LRRC40: variants seen among roughly 807,000 people sequenced by gnomAD.
LRRC40 encodes the protein leucine rich repeat containing 40, also known as leucine-rich repeat-containing protein 40.
A neutral mutation model predicts 72.8 loss-of-function variants in LRRC40; 76 were observed. That is an observed-to-expected ratio of 1.04 (90% CI 0.87 to 1.26). The LOEUF (loss-of-function observed/expected upper bound fraction) is 1.26. LRRC40 is among the 50% of genes most tolerant of loss of function. The pLI is 0.00. For synonymous variants in LRRC40, 243 were observed against 254.2 expected, an observed-to-expected ratio of 0.96 and a Z score of 0.42; for missense variants, 684 against 698.9, an observed-to-expected ratio of 0.98 and a Z score of 0.24.
intron 9 of LRRC40, among the ~76,000 whole-genome samples, chr1:70,171,533 T>C (rs756060389): frequency 6.6e-6 from 1 of 152,106 alleles, no homozygotes; most frequent in Non-Finnish European, 1.5e-5. Context: ...AGAATCTGAA[T>C]AGCCATTTCT....
intron 9 of LRRC40, among the ~76,000 whole-genome samples, chr1:70,163,385 C>G (rs1459359933): frequency 6.6e-6 from 1 of 152,178 alleles, no homozygotes; most frequent in African/African-American, 2.4e-5. Flanking sequence ...CCACCCCCAG[C>G]CTGCATTCCT....
chr1:70,145,481 A>C lies in LRRC40; in HGVS notation c.*319T>G. The C allele has an allele frequency of 5.9e-6, 1 of 169,260 alleles. No individual in the cohort carries two copies. Among genetic ancestry groups the C allele is most frequent in the Non-Finnish European group, 1.3e-5 (1 of 79,512 alleles). The allele number at this position is 169,260 out of a possible 1,614,324, so 10.5% of individuals were successfully genotyped here. A position where few individuals can be genotyped will look rare whatever the true frequency, so the allele number is the denominator to read the frequency against. ...TTAAATAAAAATTCATTTTTGAAAA[A>C]ACTGCTTGCTATAAGAAAATGAAAG... is the stretch of plus-strand genomic sequence containing the variant. On this transcript the variant is annotated 3_prime_UTR_variant, in exon 15 of 15. Coordinates refer to ENST00000370952, the MANE Select transcript of LRRC40 (RefSeq NM_017768.5).
intron 6 of LRRC40, among the ~76,000 whole-genome samples, chr1:70,178,259 G>C (rs1048076538): frequency 6.6e-6 from 1 of 152,050 alleles, no homozygotes; most frequent in African/African-American, 2.4e-5. Flanking sequence ...TTTATATACT[G>C]ATTTGCCATT....
In LRRC40 at chr1:70,193,879, A is replaced by T. The variant is rs1668554043; in HGVS notation, c.152-4606T>A. 2.0e-5 allele frequency among the ~76,000 whole-genome samples: 3 copies of T among 152,088 alleles called. 1 individual carries two copies. The South Asian group carries it at 6.2e-4, about 31-fold the overall frequency. On this transcript the variant is annotated intron_variant, in intron 1 of 14. Coordinates refer to ENST00000370952, the MANE Select transcript of LRRC40 (RefSeq NM_017768.5). ...GTGATTGTTGAGATACAAAAAAAGC[A>T]TCTGACAAAATTCAACAATAAAAAC...
At chr1:70,162,411 G>A (rs1314597791) in intron 9 of LRRC40, among the ~76,000 whole-genome samples, 1 of 152,052 alleles carries the variant, frequency 6.6e-6, no homozygotes, top group Non-Finnish European at 1.5e-5. Context: ...CCCTAACATG[G>A]GAACTTGTTA....
chr1:70,191,516 G>A (rs1380281506), intron 1 of LRRC40, among the ~76,000 whole-genome samples: 1 of 152,034 alleles, frequency 6.6e-6, no homozygotes, highest in African/African-American at 2.4e-5. Flanking sequence ...GAACCATCAA[G>A]GGGCAGATAC....
intron 11 of LRRC40, among the ~76,000 whole-genome samples, chr1:70,153,926 T>C (rs1051913784): frequency 1.3e-5 from 2 of 149,000 alleles, no homozygotes; most frequent in African/African-American, 2.5e-5. Flanking sequence ...TGAGCCGCGA[T>C]TGTGCCAGTG....
intron 5 of LRRC40, 101 bp downstream of exon 5, chr1:70,180,985 T>C (rs1037590636): frequency 3.6e-6 from 3 of 833,648 alleles, no homozygotes; most frequent in Non-Finnish European, 5.1e-6. Context: ...ACTATAAAAA[T>C]CTACTACTTT....
Position 70,197,291 on chromosome 1 carries a change from A to T in LRRC40, c.152-8018T>A, listed in dbSNP as rs114249148. On this transcript the variant is annotated intron_variant, in intron 1 of 14. Transcript: ENST00000370952. The stretch of plus-strand genomic sequence containing the variant: ...ATGTATAGATGTATTTTTTTATTTT[A>T]TTTTATTTTTTTTTGAGAGCCTGTC... Among the ~76,000 whole-genome samples, 952 of 151,554 alleles carry T rather than the reference A, an allele frequency of 6.3e-3. 10 individuals carry two copies. The highest frequency in any genetic ancestry group is 0.022 in the African/African-American group (895 of 41,304).
chr1:70,160,098 T>G (rs183627753), intron 9 of LRRC40, among the ~76,000 whole-genome samples: 3 of 152,296 alleles, frequency 2.0e-5, no homozygotes, highest in African/African-American at 7.2e-5. Flanking sequence ...TAAATACACA[T>G]TTTAAAAGAA....
chr1:70,190,087 AGG>A (rs2100332217), intron 1 of LRRC40, among the ~76,000 whole-genome samples: 1 of 152,344 alleles, frequency 6.6e-6, no homozygotes, highest in East Asian at 1.9e-4. Context: ...AAGCTCCAGA[AGG>A]TAGAATGCTG....
chr1:70,156,753 G>A (rs950586772), intron 10 of LRRC40, among the ~76,000 whole-genome samples: 2 of 152,102 alleles, frequency 1.3e-5, no homozygotes, highest in Admixed American at 1.3e-4. Flanking sequence ...TCATGTCCCA[G>A]GTCATGAGAC....
intron 10 of LRRC40, among the ~76,000 whole-genome samples, chr1:70,158,582 A>C (rs1383786630): frequency 6.6e-6 from 1 of 152,216 alleles, no homozygotes. Flanking sequence ...ATATACTTCC[A>C]TAAAAAATAT....
At chr1:70,182,141 A>G in intron 4 of LRRC40, among the ~76,000 whole-genome samples, 1 of 152,142 alleles carries the variant, frequency 6.6e-6, no homozygotes, top group Middle Eastern at 3.4e-3. Context: ...ACATACTGTT[A>G]TAATTATTTT....
chr1:70,189,298 G>GA (rs745450367), intron 1 of LRRC40, 25 bp from the exon 2 acceptor site: 41,216 of 759,520 alleles, frequency 0.054, 8 homozygotes, highest in Non-Finnish European at 0.06. Context: ...ACCACACCAG[G>GA]AAAAAAAAAA....
intron 4 of LRRC40, among the ~76,000 whole-genome samples, chr1:70,184,365 A>G (rs1668314987): frequency 6.6e-6 from 1 of 152,214 alleles, no homozygotes; most frequent in African/African-American, 2.4e-5. Context: ...AAGTGTGGCC[A>G]TTCTGAAAAG....
chr1:70,198,787 C>G (rs1309537369), intron 1 of LRRC40, among the ~76,000 whole-genome samples: 1 of 151,998 alleles, frequency 6.6e-6, no homozygotes, highest in Non-Finnish European at 1.5e-5. Flanking sequence ...TAAGATTTTT[C>G]AAGTGACAAG....
At chr1:70,167,243 A>AAAG (rs896031075) in intron 9 of LRRC40, among the ~76,000 whole-genome samples, 1 of 151,576 alleles carries the variant, frequency 6.6e-6, no homozygotes, top group South Asian at 2.1e-4. Flanking sequence ...AAAAAAAAAA[A>AAAG]AAAAGAAAAA....
intron 9 of LRRC40, among the ~76,000 whole-genome samples, chr1:70,164,138 C>T (rs976695125): frequency 7.9e-5 from 12 of 151,966 alleles, no homozygotes; most frequent in African/African-American, 2.4e-4. Flanking sequence ...CACACGTAAT[C>T]CCAGCACTTT....
Sources: gnomAD v4.1 joint callset for allele counts (sites outside exome capture counted in the v4.1 genomes callset) on GRCh38, gnomAD v4.1.1 for gene constraint, MANE v1.5 for transcripts, NCBI Gene and HGNC (gene_info 2026-07-23, HGNC 2026-07-21) for gene names.